The following KIAA2012 variants were observed in gnomAD, a reference collection of about 807,000 sequenced individuals.
KIAA2012 encodes the protein KIAA2012.
Under a neutral mutation model 150.6 loss-of-function variants are expected in KIAA2012, and 125 were observed. That is an observed-to-expected ratio of 0.83 (90% CI 0.72 to 0.96). The LOEUF (loss-of-function observed/expected upper bound fraction) is 0.96. KIAA2012 is among the 40% of genes least tolerant of loss of function. KIAA2012 has a pLI of 0.00. For missense variants in KIAA2012, 1,219 were observed against 1,354.9 expected, an observed-to-expected ratio of 0.90 and a Z score of 1.57; for synonymous variants, 462 against 504.7, an observed-to-expected ratio of 0.92 and a Z score of 1.13.
chr2:202,194,101 C>T lies in KIAA2012; in HGVS notation c.3015-89C>T, dbSNP rs117451685. The T allele has an allele frequency of 4.2e-4, 591 of 1,403,970 alleles. 8 individuals carry two copies. In the East Asian group the frequency reaches 8.4e-3, roughly 20 times the overall value. The allele number at this position is 1,403,970 out of a possible 1,614,324, so 87.0% of individuals were successfully genotyped here. A position where few individuals can be genotyped will look rare whatever the true frequency, so the allele number is the denominator to read the frequency against. The stretch of plus-strand genomic sequence containing the variant: ...TCCCTGTGGCCTGTGGGCTGCAGAG[C>T]CTCCCCCATGGGCACTGTCTGTTGG... On this transcript the variant is annotated intron_variant, in intron 20 of 23. Coordinates refer to ENST00000498697, the MANE Select transcript of KIAA2012 (RefSeq NM_001277372.4).
chr2:202,081,777 C>T (rs1689456831), intron 2 of KIAA2012, among the ~76,000 whole-genome samples: 1 of 152,068 alleles, frequency 6.6e-6, no homozygotes, highest in Admixed American at 6.5e-5. Flanking sequence ...GAACTCCCAA[C>T]CTCAGGTGAT....
chr2:202,138,578 G>A (rs1691132989), intron 13 of KIAA2012, 70 bp downstream of exon 13: 4 of 1,188,348 alleles, frequency 3.4e-6, no homozygotes, highest in Non-Finnish European at 4.8e-6. Context: ...TCAGCTTGCT[G>A]TGTGCCCCTC....
intron 2 of KIAA2012, among the ~76,000 whole-genome samples, 193 bp from the exon 3 acceptor site, chr2:202,090,577 T>G (rs1229234691): frequency 5.9e-5 from 9 of 152,252 alleles, no homozygotes; most frequent in Non-Finnish European, 1.2e-4. Flanking sequence ...ACTGCAAACC[T>G]GCAGGGGCCT....
chr2:202,171,583 GTCTTT>G (rs1691894247), intron 15 of KIAA2012, among the ~76,000 whole-genome samples: 2 of 151,972 alleles, frequency 1.3e-5, no homozygotes, highest in African/African-American at 2.4e-5. Flanking sequence ...GCCTCCTTTA[GTCTTT>G]TCTTTTCCTC....
intron 14 of KIAA2012, among the ~76,000 whole-genome samples, chr2:202,158,700 A>T (rs11690775): frequency 0.15 from 23,230 of 152,060 alleles, 2,418 homozygotes; most frequent in East Asian, 0.51. Context: ...AGAAAAAAAA[A>T]TTTTTTGAAC....
intron 5 of KIAA2012, among the ~76,000 whole-genome samples, chr2:202,098,171 C>G (rs1234762917): frequency 6.6e-6 from 1 of 152,160 alleles, no homozygotes; most frequent in Non-Finnish European, 1.5e-5. Context: ...ACCAGCCTGG[C>G]CAACATGGTG....
At chr2:202,196,678 C>T (rs1425273192) in intron 21 of KIAA2012, 122 bp from the exon 22 acceptor site, 25 of 1,289,934 alleles carry the variant, frequency 1.9e-5, no homozygotes, top group Non-Finnish European at 2.6e-5. Flanking sequence ...AGCCTGCTAG[C>T]AGGTCAACTG....
chr2:202,093,120 CA>C lies in KIAA2012; in HGVS notation c.624del (p.Lys208AsnfsTer42), dbSNP rs1300387817. On this transcript the variant is annotated frameshift_variant, in exon 4 of 24. Coordinates refer to ENST00000498697, the MANE Select transcript of KIAA2012 (RefSeq NM_001277372.4). LOFTEE classifies it high-confidence loss of function. ...CAACAAGATCTTTCAGGTGTACCCC[CA>C]AAATACCATCTCCTGCCTGTCTTCC... is the stretch of plus-strand genomic sequence containing the variant. ...RPQQDLSGVP[P>X]KYHLLPVFPS... is the part of the protein sequence containing the mutation. 4.5e-6 allele frequency: 7 copies of C among 1,550,954 alleles called. No individual in the cohort carries two copies. In the African/African-American group the frequency reaches 6.8e-5, roughly 15 times the overall value.
Position 202,105,777 on chromosome 2 carries a change from G to A in KIAA2012, c.1341G>A (p.Glu447=). 6.4e-7 allele frequency: 1 copy of A among 1,550,622 alleles called. No individual in the cohort carries two copies. The highest frequency in any genetic ancestry group is 1.2e-5 in the South Asian group (1 of 84,054). Residue 447 remains glutamate, a synonymous_variant, in exon 9 of 24, where the codon GAG becomes GAA. Transcript: ENST00000498697. ...GTCTCCTAGGTGCTCCACACCCTGA[G>A]TCAGAACCAGAAAGCAGCGAAGAAT... ...KAHRRGAPHP[E]SEPESSEEST... is the part of the protein sequence containing the mutation.
intron 13 of KIAA2012, among the ~76,000 whole-genome samples, chr2:202,150,398 T>C (rs999883887): frequency 3.3e-5 from 5 of 152,172 alleles, no homozygotes; most frequent in African/African-American, 1.2e-4. Flanking sequence ...ATCAGTTTTT[T>C]TGGTTTGTTT....
intron 2 of KIAA2012, among the ~76,000 whole-genome samples, chr2:202,078,838 C>T (rs1223512722): frequency 6.6e-6 from 1 of 152,162 alleles, no homozygotes; most frequent in Non-Finnish European, 1.5e-5. Flanking sequence ...TAAATCACTG[C>T]ACCAGAATGT....
chr2:202,124,941 A>T (rs554424207), intron 11 of KIAA2012, among the ~76,000 whole-genome samples: 2 of 152,304 alleles, frequency 1.3e-5, no homozygotes, highest in Admixed American at 1.3e-4. Context: ...GTGGTGGCAC[A>T]TGCCCGTAAT....
chr2:202,097,420 T>G lies in KIAA2012; in HGVS notation c.686-15T>G. Reference sequence around the variant, plus strand: ...TTTCCAGGGTGACAAGCTGACCCATTGTTCACCATTGCAGGTCAACAGGGC... The same window carrying G: ...TTTCCAGGGTGACAAGCTGACCCATGGTTCACCATTGCAGGTCAACAGGGC... On this transcript the variant is annotated splice_polypyrimidine_tract_variant and intron_variant, in intron 4 of 23. Coordinates refer to ENST00000498697, the MANE Select transcript of KIAA2012 (RefSeq NM_001277372.4). The G allele has an allele frequency of 1.9e-6, 3 of 1,550,210 alleles. No homozygotes were observed. The highest frequency in any genetic ancestry group is 2.6e-6 in the Non-Finnish European group (3 of 1,146,810).
chr2:202,189,322 C>T (rs1278326516), intron 18 of KIAA2012, among the ~76,000 whole-genome samples: 5 of 150,650 alleles, frequency 3.3e-5, no homozygotes, highest in Admixed American at 2.6e-4. Context: ...GATGGAGTCT[C>T]GCTCTGTCAC....
chr2:202,109,815 G>GC (rs1281560996), intron 10 of KIAA2012, 26 bp downstream of exon 10: 3 of 1,501,228 alleles, frequency 2.0e-6, no homozygotes, highest in Non-Finnish European at 2.7e-6. Context: ...GTGCATAGAC[G>GC]CCCCCCACTG....
intron 21 of KIAA2012, among the ~76,000 whole-genome samples, chr2:202,196,195 T>C (rs1380603699): frequency 4.2e-4 from 56 of 131,938 alleles, no homozygotes; most frequent in African/African-American, 1.1e-3. Context: ...TCTTTTTTTT[T>C]TTTTTTTTTT....
At chr2:202,106,017 T>G (rs1479495347) in intron 9 of KIAA2012, 107 bp downstream of exon 9, 1 of 1,543,304 alleles carries the variant, frequency 6.5e-7, no homozygotes, top group East Asian at 2.4e-5. Flanking sequence ...GGAAGGGAGG[T>G]TAGTTCACCA....
rs548269528 is a variant in KIAA2012, at chr2:202,073,480, C to T, written c.-148C>T. The T allele has an allele frequency of 5.2e-5, 33 of 633,688 alleles. No individual in the cohort carries two copies. The highest frequency in any genetic ancestry group is 3.6e-4 in the East Asian group (13 of 36,222). 39.3% of individuals were successfully genotyped at this position (633,688 alleles called of 1,614,324 possible). On this transcript the variant is annotated 5_prime_UTR_variant, in exon 1 of 24. Coordinates refer to ENST00000498697, the MANE Select transcript of KIAA2012 (RefSeq NM_001277372.4). ...GCTGGTTGTTACTAAGAAGCTGCTG[C>T]GAGAGGGAAAAATGTATTTAATAAA... is the stretch of plus-strand genomic sequence containing the variant.
intron 4 of KIAA2012, among the ~76,000 whole-genome samples, chr2:202,094,700 G>A (rs1218142276): frequency 6.6e-6 from 1 of 151,896 alleles, no homozygotes; most frequent in Non-Finnish European, 1.5e-5. Context: ...TGTATTTTTT[G>A]TAGAGATGGG....
Sources: allele counts gnomAD v4.1 joint callset (sites outside exome capture counted in the v4.1 genomes callset), GRCh38; gene constraint gnomAD v4.1.1; transcripts MANE v1.5; gene names NCBI Gene and HGNC (gene_info 2026-07-23, HGNC 2026-07-21).